CNST: variants seen among roughly 807,000 people sequenced by gnomAD.
CNST encodes the protein consortin, connexin sorting protein.
Under a neutral mutation model 72.4 loss-of-function variants are expected in CNST, and 39 were observed. That is an observed-to-expected ratio of 0.54 (90% confidence interval 0.42 to 0.70). The LOEUF is 0.70. Ranked by LOEUF, CNST falls within the 30% of genes least tolerant of loss-of-function variation. The pLI is 0.00. For synonymous variants in CNST, 332 were observed against 320.1 expected (o/e 1.04, Z -0.40); for missense variants, 871 against 868.5 (o/e 1.00, Z -0.04).
At chr1:246,618,051 G>A (rs1309221965) in intron 2 of CNST, among the ~76,000 whole-genome samples, 1 of 152,134 alleles carries the variant, frequency 6.6e-6, no homozygotes, top group Non-Finnish European at 1.5e-5. Flanking sequence ...AGGCAAGGGA[G>A]GAACAATGGT....
Position 246,647,886 on chromosome 1 carries a change from C to G in CNST, c.1685C>G (p.Ser562Cys), listed in dbSNP as rs747529771. ...GGATGTTTAAAAGATACTGAAGATT[C>G]CCTTTCCTATGAAGATAACCAAGAC... is the stretch of plus-strand genomic sequence containing the variant. ...LEGCLKDTEDSLSYEDNQDDD... is the reference protein window; with the variant it reads ...LEGCLKDTEDCLSYEDNQDDD... The change falls in exon 9 of 11, where the codon TCC becomes TGC. Residue 562 changes from serine (S) to cysteine (C), a missense_variant. Coordinates refer to ENST00000366513, the MANE Select transcript of CNST (RefSeq NM_152609.3). 3 of 1,614,108 alleles carry G rather than the reference C, an allele frequency of 1.9e-6. No homozygotes were observed. The South Asian group carries it at 3.3e-5, about 18-fold the overall frequency.
chr1:246,654,443 A>C (rs1247485632), intron 9 of CNST, among the ~76,000 whole-genome samples: 2 of 152,200 alleles, frequency 1.3e-5, no homozygotes, highest in East Asian at 3.9e-4. Flanking sequence ...TGATCACTGG[A>C]GTCCAGAAGT....
At chr1:246,633,356 G>A (rs530762617) in intron 4 of CNST, among the ~76,000 whole-genome samples, 1 of 152,182 alleles carries the variant, frequency 6.6e-6, no homozygotes, top group East Asian at 1.9e-4. Flanking sequence ...GGCTGAGGCA[G>A]GAGAATCACT....
rs185462557 is a variant in CNST, at chr1:246,579,970, C to T, written c.-51-11542C>T. Among the ~76,000 whole-genome samples, 11 of 152,242 alleles carry T rather than the reference C, an allele frequency of 7.2e-5. No individual in the cohort carries two copies. In the East Asian group the frequency reaches 2.1e-3, roughly 29 times the overall value. ...AATTTGACTAAGATTTCACAGCTGGCGAGTATCAGAAAACTGTATTTGCAC... is the reference window on the plus strand; with the variant it reads ...AATTTGACTAAGATTTCACAGCTGGTGAGTATCAGAAAACTGTATTTGCAC... On this transcript the variant is annotated intron_variant, in intron 1 of 10. Coordinates refer to ENST00000366513, the MANE Select transcript of CNST (RefSeq NM_152609.3).
chr1:246,645,618 G>A (rs1420784844), intron 8 of CNST, among the ~76,000 whole-genome samples: 1 of 151,476 alleles, frequency 6.6e-6, no homozygotes, highest in African/African-American at 2.4e-5. Context: ...TAGTAGAGAC[G>A]GGGTTTCACC....
rs148471784 is a variant in CNST at position 246,642,004 on chromosome 1, C to G, written c.904C>G (p.Pro302Ala). The change falls in exon 8 of 11, where the codon CCA (proline) becomes GCA (alanine). Residue 302 changes from proline (P) to alanine (A), a missense_variant. By Grantham distance (27) the Pro-to-Ala change is conservative. Coordinates refer to ENST00000366513, the MANE Select transcript of CNST (RefSeq NM_152609.3). The stretch of plus-strand genomic sequence containing the variant: ...CACGCAGTTACTAGTGTCTGAAGAT[C>G]CAAAGGAAGGAGGAGCTACCACCAA... ...CSTQLLVSED[P>A]KEGGATTKES... The G allele has an allele frequency of 1.1e-4, 184 of 1,611,838 alleles. No individual in the cohort carries two copies. The highest frequency in any genetic ancestry group is 1.5e-4 in the Non-Finnish European group (174 of 1,178,782).
At chr1:246,599,124 A>G (rs1662089169) in intron 2 of CNST, among the ~76,000 whole-genome samples, 1 of 152,026 alleles carries the variant, frequency 6.6e-6, no homozygotes, top group Non-Finnish European at 1.5e-5. Flanking sequence ...ATAGAGTCAA[A>G]TAATTTCACA....
chr1:246,575,068 T>C (rs1042021238), intron 1 of CNST, among the ~76,000 whole-genome samples: 49 of 152,056 alleles, frequency 3.2e-4, no homozygotes, highest in Admixed American at 3.0e-3. Flanking sequence ...CGATCTTGGC[T>C]CACTGCAGCC....
At position 246,665,940 on chromosome 1, in the gene CNST, G is replaced by T. The variant is rs749889827; in HGVS notation, c.*35G>T. On this transcript the variant is annotated 3_prime_UTR_variant, in exon 11 of 11. Transcript: ENST00000366513. ...AGACACAGACATGCTGGCAGTGAGA[G>T]TGAAAGGCGGGAGACTTTCTAAACA... is the stretch of plus-strand genomic sequence containing the variant. 1.4e-6 allele frequency: 2 copies of T among 1,456,160 alleles called. No individual in the cohort carries two copies. 90.2% of individuals were successfully genotyped at this position (1,456,160 alleles called of 1,614,324 possible). A position where few individuals can be genotyped will look rare whatever the true frequency, so the allele number is the denominator to read the frequency against.
intron 2 of CNST, among the ~76,000 whole-genome samples, chr1:246,615,935 A>G (rs1216702904): frequency 6.6e-6 from 1 of 152,108 alleles, no homozygotes; most frequent in Non-Finnish European, 1.5e-5. Flanking sequence ...GTAAACTGTC[A>G]TCTCCATTTT....
At chr1:246,658,376 T>G in intron 9 of CNST, among the ~76,000 whole-genome samples, 1 of 152,212 alleles carries the variant, frequency 6.6e-6, no homozygotes, top group East Asian at 1.9e-4. Flanking sequence ...ACTTTACCAT[T>G]TCAAGGCCAC....
chr1:246,636,484 C>T (rs1665253888), intron 6 of CNST, among the ~76,000 whole-genome samples: 1 of 152,148 alleles, frequency 6.6e-6, no homozygotes, highest in Non-Finnish European at 1.5e-5. Flanking sequence ...GATGCCCTCT[C>T]CTAGATCTAC....
At position 246,580,236 on chromosome 1, in the gene CNST, C is replaced by A. The variant is rs532450273; in HGVS notation, c.-51-11276C>A. Reference sequence around the variant, plus strand: ...TTTTTAAATAAATAATCTCTTGTACCTTTTTTTGAGAACTGTATGTAGATT... The same window carrying A: ...TTTTTAAATAAATAATCTCTTGTACATTTTTTTGAGAACTGTATGTAGATT... On this transcript the variant is annotated intron_variant, in intron 1 of 10. Coordinates refer to ENST00000366513, the MANE Select transcript of CNST (RefSeq NM_152609.3). Among the ~76,000 whole-genome samples, 6 of 151,640 alleles carry A rather than the reference C, an allele frequency of 4.0e-5. No homozygotes were observed. The East Asian group carries it at 1.2e-3, about 29-fold the overall frequency.
At position 246,602,535 on chromosome 1, in the gene CNST, C is replaced by CA. The variant is rs745796252; in HGVS notation, c.379+10597dup. Among the ~76,000 whole-genome samples, 143 of 152,266 alleles carry CA rather than the reference C, an allele frequency of 9.4e-4. 1 individual carries two copies. Among genetic ancestry groups the CA allele is most frequent in the Non-Finnish European group, 1.6e-3 (110 of 68,018 alleles). The stretch of plus-strand genomic sequence containing the variant: ...GCTGGCTTCCTCCAGGGCTAGCAGT[C>CA]AAAGAGAGAGAGCACTCAACCTGGA... On this transcript the variant is annotated intron_variant, in intron 2 of 10. Coordinates refer to ENST00000366513, the MANE Select transcript of CNST (RefSeq NM_152609.3).
At chr1:246,651,525 G>A (rs902786558) in intron 9 of CNST, among the ~76,000 whole-genome samples, 7 of 152,166 alleles carry the variant, frequency 4.6e-5, no homozygotes, top group African/African-American at 1.7e-4. Context: ...CCCAGTGCAA[G>A]CACTTGTTTT....
chr1:246,665,037 A>G (rs766529220), intron 10 of CNST, among the ~76,000 whole-genome samples: 5 of 152,142 alleles, frequency 3.3e-5, no homozygotes, highest in Non-Finnish European at 7.3e-5. Context: ...GTGAACCCCA[A>G]GGATCTTAGA....
rs533943729 is a variant in CNST, at chr1:246,597,280, G to A, written c.379+5339G>A. On this transcript the variant is annotated intron_variant, in intron 2 of 10. Transcript: ENST00000366513. ...ACCATAAAATTCACCTTTTTAAAGG[G>A]TACAATTTAGTGGTTTTAGTATATT... Among the ~76,000 whole-genome samples, 256 of 152,070 alleles carry A rather than the reference G, an allele frequency of 1.7e-3. 1 individual carries two copies. The highest frequency in any genetic ancestry group is 5.9e-3 in the African/African-American group (245 of 41,458).
At chr1:246,588,512 C>A (rs1661336360) in intron 1 of CNST, among the ~76,000 whole-genome samples, 1 of 152,078 alleles carries the variant, frequency 6.6e-6, no homozygotes, top group Non-Finnish European at 1.5e-5. Flanking sequence ...AGTGATTCAC[C>A]ATGAGCCATA....
chr1:246,653,204 A>G (rs1234804430), intron 9 of CNST, among the ~76,000 whole-genome samples: 6 of 152,204 alleles, frequency 3.9e-5, no homozygotes, highest in Admixed American at 3.9e-4. Flanking sequence ...TTGCCTTTAG[A>G]GAAGCTATCT....
Sources: gnomAD v4.1 joint callset for allele counts (sites outside exome capture counted in the v4.1 genomes callset) on GRCh38, gnomAD v4.1.1 for gene constraint, MANE v1.5 for transcripts, NCBI Gene and HGNC (gene_info 2026-07-23, HGNC 2026-07-21) for gene names.